ANKS1B: variants seen among roughly 807,000 people sequenced by gnomAD.
ANKS1B encodes ankyrin repeat and sterile alpha motif domain-containing protein 1B.
A neutral mutation model predicts 148.3 loss-of-function variants in ANKS1B; 36 were observed. The observed-to-expected ratio is 0.24, with a 90% CI of 0.19 to 0.32. The LOEUF (loss-of-function observed/expected upper bound fraction) is 0.32. Ranked by LOEUF, ANKS1B falls within the 10% of genes least tolerant of loss-of-function variation. The probability of loss-of-function intolerance (pLI) is 1.00; values close to 1 mark genes in which losing one functional copy is unlikely to be tolerated. For missense variants in ANKS1B, 1,157 were observed against 1,542.6 expected (o/e 0.75, Z 4.19); for synonymous variants, 542 against 560.8 (o/e 0.97, Z 0.47).
Position 99,053,137 on chromosome 12 carries a change from T to C in ANKS1B, c.2778+20A>G. ...TATCAAGGGTTGAATAGTTAAGGTG[T>C]CACTAAGAGACCAACTTACATTAAT... On this transcript the variant is annotated intron_variant, in intron 17 of 26. Coordinates refer to ENST00000683438, the MANE Select transcript of ANKS1B (RefSeq NM_001352186.2). 6.3e-7 allele frequency: 1 copy of C among 1,587,948 alleles called. No homozygotes were observed. Among genetic ancestry groups the C allele is most frequent in the East Asian group, 2.3e-5 (1 of 44,222 alleles).
intron 9 of ANKS1B, among the ~76,000 whole-genome samples, chr12:99,567,809 C>T (rs1246849739): frequency 6.6e-6 from 1 of 152,168 alleles, no homozygotes; most frequent in African/African-American, 2.4e-5. Context: ...ACTGCTCTTA[C>T]CACACTTTAC....
chr12:98,778,369 G>C (rs1294671241), intron 24 of ANKS1B, among the ~76,000 whole-genome samples: 2 of 152,108 alleles, frequency 1.3e-5, no homozygotes, highest in Non-Finnish European at 2.9e-5. Context: ...CCAGCTACTC[G>C]GGAGGCTGAG....
intron 12 of ANKS1B, among the ~76,000 whole-genome samples, chr12:99,392,783 C>T (rs188266650): frequency 1.4e-3 from 220 of 152,216 alleles, no homozygotes; most frequent in Middle Eastern, 0.01. Flanking sequence ...TCTTTTAAAA[C>T]GGATACTCTT....
chr12:99,794,705 G>C (rs997543650), intron 4 of ANKS1B, among the ~76,000 whole-genome samples: 31 of 151,976 alleles, frequency 2.0e-4, no homozygotes, highest in African/African-American at 6.7e-4. Context: ...GAAGGGTAGT[G>C]GGGGCACAGG....
At chr12:99,417,075 G>A (rs572529061) in intron 11 of ANKS1B, among the ~76,000 whole-genome samples, 10 of 152,264 alleles carry the variant, frequency 6.6e-5, no homozygotes, top group African/African-American at 2.4e-4. Context: ...GGAAGGAGAG[G>A]ATCAGGACAA....
At chr12:99,597,344 T>G (rs2097766831) in intron 9 of ANKS1B, among the ~76,000 whole-genome samples, 1 of 152,006 alleles carries the variant, frequency 6.6e-6, no homozygotes, top group Admixed American at 6.6e-5. Flanking sequence ...AATAGTTTTG[T>G]GAAATTTGGA....
intron 1 of ANKS1B, among the ~76,000 whole-genome samples, chr12:99,913,104 A>G (rs2094057188): frequency 6.6e-6 from 1 of 152,182 alleles, no homozygotes; most frequent in African/African-American, 2.4e-5. Context: ...TTATTTTCAT[A>G]TAACTCTCTA....
At chr12:99,807,986 T>C (rs1215282996) in intron 3 of ANKS1B, among the ~76,000 whole-genome samples, 1 of 152,140 alleles carries the variant, frequency 6.6e-6, no homozygotes, top group Non-Finnish European at 1.5e-5. Context: ...ACAAAAAGGT[T>C]AAATTACACA....
intron 9 of ANKS1B, among the ~76,000 whole-genome samples, chr12:99,554,011 T>C (rs1048602627): frequency 2.0e-5 from 3 of 152,072 alleles, no homozygotes; most frequent in Non-Finnish European, 4.4e-5. Flanking sequence ...CAGCTGCTAG[T>C]AGAAACCATG....
At chr12:98,964,931 T>C (rs1368772870) in intron 17 of ANKS1B, among the ~76,000 whole-genome samples, 2 of 152,148 alleles carry the variant, frequency 1.3e-5, no homozygotes, top group Non-Finnish European at 2.9e-5. Flanking sequence ...AGGTTAACTA[T>C]AGTCAACAAT....
intron 17 of ANKS1B, among the ~76,000 whole-genome samples, chr12:98,867,686 C>T (rs546366450): frequency 1.3e-5 from 2 of 151,980 alleles, no homozygotes; most frequent in East Asian, 3.9e-4. Flanking sequence ...CCTGGTGAAA[C>T]CCCGTCTCTA....
At chr12:99,297,866 C>A (rs1273590635) in intron 12 of ANKS1B, among the ~76,000 whole-genome samples, 1 of 152,040 alleles carries the variant, frequency 6.6e-6, no homozygotes, top group Non-Finnish European at 1.5e-5. Context: ...CAATCTAAAT[C>A]TCCAGATTTT....
intron 16 of ANKS1B, among the ~76,000 whole-genome samples, chr12:99,063,370 G>C (rs1306769090): frequency 6.6e-6 from 1 of 152,212 alleles, no homozygotes; most frequent in African/African-American, 2.4e-5. Context: ...AGCAGTGCTA[G>C]CAGACAGTGT....
intron 14 of ANKS1B, among the ~76,000 whole-genome samples, chr12:99,198,092 A>C (rs1157551707): frequency 6.6e-6 from 1 of 151,950 alleles, no homozygotes; most frequent in African/African-American, 2.4e-5. Context: ...TCCTTCTCTA[A>C]AGCCTTCCTT....
At chr12:99,216,640 A>C (rs2084244103) in intron 14 of ANKS1B, among the ~76,000 whole-genome samples, 1 of 152,208 alleles carries the variant, frequency 6.6e-6, no homozygotes, top group Non-Finnish European at 1.5e-5. Context: ...GGAGTCCAAA[A>C]TCTTAGTAGA....
At chr12:99,221,284 G>A (rs1266637282) in intron 14 of ANKS1B, among the ~76,000 whole-genome samples, 1 of 152,142 alleles carries the variant, frequency 6.6e-6, no homozygotes, top group Non-Finnish European at 1.5e-5. Flanking sequence ...AGCTTGCAGT[G>A]AGCCAAGATC....
intron 17 of ANKS1B, among the ~76,000 whole-genome samples, chr12:98,856,339 C>G (rs1347010595): frequency 6.6e-6 from 1 of 152,138 alleles, no homozygotes; most frequent in Non-Finnish European, 1.5e-5. Flanking sequence ...TAATAGAGAG[C>G]TCACTGGCTT....
intron 1 of ANKS1B, among the ~76,000 whole-genome samples, chr12:99,981,826 C>T (rs112273856): frequency 5.9e-4 from 89 of 152,126 alleles, no homozygotes; most frequent in Middle Eastern, 3.4e-3. Flanking sequence ...ATAAAGCAAG[C>T]GGGGAAAAAG....
chr12:99,936,273 T>C (rs2153812434), intron 1 of ANKS1B, among the ~76,000 whole-genome samples: 1 of 152,250 alleles, frequency 6.6e-6, no homozygotes, highest in South Asian at 2.1e-4. Context: ...AGAACAAAAA[T>C]TCTCAAAAGC....
Sources: allele counts gnomAD v4.1 joint callset (sites outside exome capture counted in the v4.1 genomes callset), GRCh38; gene constraint gnomAD v4.1.1; transcripts MANE v1.5; gene names NCBI Gene and HGNC (gene_info 2026-07-23, HGNC 2026-07-21).